The following RASGEF1C variants were observed in gnomAD, a reference collection of about 807,000 sequenced individuals.
The protein encoded by RASGEF1C is ras-GEF domain-containing family member 1C.
In RASGEF1C, 27 loss-of-function variants were observed where a neutral mutation model predicts 58.1. The ratio of observed to expected loss-of-function variants is 0.46; its 90% CI spans 0.34 to 0.64. The LOEUF (loss-of-function observed/expected upper bound fraction) is 0.64, where lower values mean the gene tolerates loss of function less well. Among genes scored for constraint, RASGEF1C ranks in the 30% least tolerant of loss-of-function variants. The pLI is 0.01. For missense variants in RASGEF1C, 502 were observed against 605.1 expected, an observed-to-expected ratio of 0.83 and a Z score of 1.79; for synonymous variants, 243 against 246.3, an observed-to-expected ratio of 0.99 and a Z score of 0.13.
chr5:180,196,612 T>C (rs906457393), intron 1 of RASGEF1C, among the ~76,000 whole-genome samples: 3 of 152,228 alleles, frequency 2.0e-5, no homozygotes, highest in Admixed American at 6.5e-5. Context: ...CATTTTTCTC[T>C]GAAGTATATC....
chr5:180,121,026 T>C (rs1437434151), intron 7 of RASGEF1C, 34 bp downstream of exon 7: 7 of 1,510,350 alleles, frequency 4.6e-6, no homozygotes, highest in Non-Finnish European at 6.4e-6. Context: ...CCTGGGGCTA[T>C]GCCAGGTGGT....
intron 12 of RASGEF1C, among the ~76,000 whole-genome samples, chr5:180,107,793 G>A (rs971476507): frequency 6.6e-6 from 1 of 152,114 alleles, no homozygotes; most frequent in African/African-American, 2.4e-5. Flanking sequence ...ATTTGTAGTA[G>A]AGACGAGGTT....
In RASGEF1C at chr5:180,197,541, C is replaced by T. The variant is rs1481712476; in HGVS notation, c.-7+11487G>A. 6.6e-6 allele frequency among the ~76,000 whole-genome samples: 1 copy of T among 152,178 alleles called. No homozygotes were observed. Among genetic ancestry groups the T allele is most frequent in the Non-Finnish European group, 1.5e-5 (1 of 68,036 alleles). ...ACAGAGAGTGAGAGCAGTCCACGCTCAAAAATAGCCCAGACTGTCAACCGC... is the reference window on the plus strand; with the variant it reads ...ACAGAGAGTGAGAGCAGTCCACGCTTAAAAATAGCCCAGACTGTCAACCGC... On this transcript the variant is annotated intron_variant, in intron 1 of 13. Coordinates refer to ENST00000361132, the MANE Select transcript of RASGEF1C (RefSeq NM_175062.4). The surrounding 1 kb of genome is among the most constrained non-coding windows in gnomAD (Gnocchi z 4.7).
chr5:180,164,236 CTT>C (rs1347890735), intron 1 of RASGEF1C, among the ~76,000 whole-genome samples: 1 of 152,136 alleles, frequency 6.6e-6, no homozygotes, highest in Non-Finnish European at 1.5e-5. Context: ...TATTTCCACA[CTT>C]ATTTTTTATC....
intron 1 of RASGEF1C, among the ~76,000 whole-genome samples, chr5:180,146,979 A>G (rs551797647): frequency 1.3e-5 from 2 of 152,246 alleles, no homozygotes; most frequent in African/African-American, 4.8e-5. Context: ...TTACTAATTA[A>G]ACCTCATTAT....
At chr5:180,108,835 T>C (rs1384196781) in intron 12 of RASGEF1C, among the ~76,000 whole-genome samples, 4 of 152,188 alleles carry the variant, frequency 2.6e-5, no homozygotes, top group Non-Finnish European at 5.9e-5. Context: ...TGGGGCTCAG[T>C]ACATCCTAGG....
intron 1 of RASGEF1C, among the ~76,000 whole-genome samples, chr5:180,153,564 C>T (rs1195591356): frequency 6.6e-6 from 1 of 152,184 alleles, no homozygotes; most frequent in Non-Finnish European, 1.5e-5. Context: ...GCTACTCCAC[C>T]GTCTTCCCTG....
chr5:180,117,465 T>C (rs905283423), intron 10 of RASGEF1C, among the ~76,000 whole-genome samples: 14 of 152,196 alleles, frequency 9.2e-5, no homozygotes, highest in Non-Finnish European at 2.9e-5. Context: ...AGGGACCTGA[T>C]CCCACCAATG....
intron 6 of RASGEF1C, among the ~76,000 whole-genome samples, chr5:180,126,126 G>A (rs1162619314): frequency 5.3e-5 from 8 of 152,150 alleles, no homozygotes; most frequent in African/African-American, 1.9e-4. Context: ...CAAGAATCTC[G>A]GCCGGGCGCG....
rs1375553519 is a variant in RASGEF1C at position 180,191,405 on chromosome 5, G to A, written c.-7+17623C>T. On this transcript the variant is annotated intron_variant, in intron 1 of 13. Transcript: ENST00000361132. ...GGAGTCTAGCTCTGTCGCCCAGGCT[G>A]GAGTGCAGTGGCGCGATCTCAGCTC... Among the ~76,000 whole-genome samples the A allele has an allele frequency of 7.9e-5, 12 of 152,040 alleles. 1 individual carries two copies. Among genetic ancestry groups the A allele is most frequent in the East Asian group, 1.9e-4 (1 of 5,186 alleles).
At chr5:180,105,593 C>T (rs546896884) in intron 12 of RASGEF1C, among the ~76,000 whole-genome samples, 42 of 148,608 alleles carry the variant, frequency 2.8e-4, no homozygotes, top group Non-Finnish European at 5.0e-4. Flanking sequence ...ATAGGCTGGG[C>T]GCGGTGGCTC....
intron 4 of RASGEF1C, among the ~76,000 whole-genome samples, chr5:180,135,771 C>T (rs181368338): frequency 2.2e-4 from 33 of 152,348 alleles, no homozygotes; most frequent in African/African-American, 7.9e-4. Context: ...GGGCAAGGGC[C>T]GTGTTTACCT....
intron 10 of RASGEF1C, among the ~76,000 whole-genome samples, chr5:180,116,095 C>T (rs892844237): frequency 2.6e-5 from 4 of 152,134 alleles, no homozygotes; most frequent in East Asian, 1.9e-4. Context: ...AGAGGTGGCG[C>T]GTCCCATACG....
chr5:180,140,206 G>GTGAC (rs1420162049), intron 1 of RASGEF1C, among the ~76,000 whole-genome samples: 1 of 152,204 alleles, frequency 6.6e-6, no homozygotes, highest in African/African-American at 2.4e-5. Context: ...CTGAACTATT[G>GTGAC]TGACCCACAG....
chr5:180,129,116 G>A (rs1012385496), intron 4 of RASGEF1C, among the ~76,000 whole-genome samples: 2 of 152,210 alleles, frequency 1.3e-5, no homozygotes, highest in Non-Finnish European at 2.9e-5. Flanking sequence ...GTCAGTGGAA[G>A]GGCCAGGGCC....
At chr5:180,200,513 C>T (rs1295237666) in intron 1 of RASGEF1C, among the ~76,000 whole-genome samples, 1 of 151,682 alleles carries the variant, frequency 6.6e-6, no homozygotes, top group African/African-American at 2.4e-5. Context: ...CGGGGTTTCA[C>T]CGTGTTAGCC....
chr5:180,153,257 C>A (rs1766794006), intron 1 of RASGEF1C, among the ~76,000 whole-genome samples: 1 of 152,172 alleles, frequency 6.6e-6, no homozygotes, highest in South Asian at 2.1e-4. Context: ...GAACACAGAT[C>A]CCTGATATTG....
chr5:180,166,868 T>C (rs921779518), intron 1 of RASGEF1C, among the ~76,000 whole-genome samples: 3 of 152,228 alleles, frequency 2.0e-5, no homozygotes, highest in Admixed American at 2.0e-4. Context: ...TTCTTTTCTT[T>C]TAGAACTCTT....
intron 1 of RASGEF1C, among the ~76,000 whole-genome samples, chr5:180,167,897 G>A (rs1379728029): frequency 6.6e-6 from 1 of 152,204 alleles, no homozygotes; most frequent in East Asian, 1.9e-4. Flanking sequence ...AGAATGGCTT[G>A]GGCCAAAAGT....
Sources: gnomAD v4.1 joint callset for allele counts (sites outside exome capture counted in the v4.1 genomes callset) on GRCh38, gnomAD v4.1.1 for gene constraint, Gnocchi (gnomAD v3.1) non-coding constraint, MANE v1.5 for transcripts, NCBI Gene and HGNC (gene_info 2026-07-23, HGNC 2026-07-21) for gene names.